Variants in UGT3A2 observed in about 807,000 individuals in gnomAD.
The protein encoded by UGT3A2 is UDP-glycosyltransferase 3A2.
In UGT3A2, 32 loss-of-function variants were observed where a neutral mutation model predicts 39.8. The ratio of observed to expected loss-of-function variants is 0.80; its 90% confidence interval spans 0.61 to 1.08. The LOEUF (loss-of-function observed/expected upper bound fraction) is 1.08, where lower values mean the gene tolerates loss of function less well. UGT3A2 is among the 50% of genes least tolerant of loss of function. The probability of loss-of-function intolerance (pLI) is 0.00; values close to 1 mark genes in which losing one functional copy is unlikely to be tolerated. For synonymous variants in UGT3A2, 241 were observed against 230.7 expected (o/e 1.04, Z -0.40); for missense variants, 611 against 637.1 (o/e 0.96, Z 0.44).
chr5:36,049,345 A>T lies in UGT3A2; in HGVS notation c.387T>A (p.Asp129Glu), dbSNP rs757661649. 2 of 1,610,770 alleles carry T rather than the reference A, an allele frequency of 1.2e-6. No individual in the cohort carries two copies. The highest frequency in any genetic ancestry group is 2.7e-5 in the African/African-American group (2 of 74,704). The change falls in exon 4 of 7, where the codon GAT becomes GAA. Residue 129 changes from aspartate to glutamate, a missense_variant. Transcript: ENST00000282507. ...TCTCATTCTTTAAGGAATCCATGAT[A>T]TCCTTTCTATTTAAAAAATGACTGC... is the stretch of plus-strand genomic sequence containing the variant. The part of the protein sequence containing the change: ...LQCSHFLNRK[D>E]IMDSLKNENF...
intron 3 of UGT3A2, among the ~76,000 whole-genome samples, chr5:36,050,011 A>C (rs1314488045): frequency 6.6e-6 from 1 of 152,042 alleles, no homozygotes; most frequent in Non-Finnish European, 1.5e-5. Flanking sequence ...CAATGGAAAA[A>C]ATAAAAGCAA....
At chr5:36,055,151 T>A (rs1478060297) in intron 2 of UGT3A2, among the ~76,000 whole-genome samples, 1 of 151,428 alleles carries the variant, frequency 6.6e-6, no homozygotes. Context: ...AAAAAAAAAA[T>A]TTGGGGGGGT....
intron 4 of UGT3A2, among the ~76,000 whole-genome samples, chr5:36,041,677 T>G (rs1363801982): frequency 6.6e-6 from 1 of 152,218 alleles, no homozygotes; most frequent in Admixed American, 6.5e-5. Flanking sequence ...TCAGCATGAC[T>G]GGGCTTGGAG....
chr5:36,036,203 T>C (rs1741824164), intron 6 of UGT3A2, among the ~76,000 whole-genome samples: 1 of 152,246 alleles, frequency 6.6e-6, no homozygotes, highest in Non-Finnish European at 1.5e-5. Flanking sequence ...CCACAAAGAC[T>C]AGTCCCTACT....
intron 6 of UGT3A2, among the ~76,000 whole-genome samples, chr5:36,037,238 A>G (rs1204971275): frequency 6.6e-6 from 1 of 152,212 alleles, no homozygotes; most frequent in East Asian, 1.9e-4. Context: ...GTAAACAAAC[A>G]AACACATAAA....
intron 1 of UGT3A2, among the ~76,000 whole-genome samples, chr5:36,064,630 A>G (rs1742822996): frequency 1.3e-5 from 2 of 152,302 alleles, no homozygotes; most frequent in South Asian, 4.1e-4. Context: ...GTGCTTAGCC[A>G]TGGGAGTTCC....
chr5:36,042,040 C>T (rs1389726747), intron 4 of UGT3A2, among the ~76,000 whole-genome samples: 1 of 151,882 alleles, frequency 6.6e-6, no homozygotes, highest in Admixed American at 6.6e-5. Context: ...ATCCTATCAG[C>T]TAAATTTAGC....
intron 2 of UGT3A2, among the ~76,000 whole-genome samples, chr5:36,062,905 G>T (rs186085999): frequency 6.6e-6 from 1 of 152,146 alleles, no homozygotes; most frequent in African/African-American, 2.4e-5. Flanking sequence ...GCCGAGCATG[G>T]TGGTACACAC....
intron 4 of UGT3A2, among the ~76,000 whole-genome samples, chr5:36,047,795 A>G (rs1742212153): frequency 2.0e-5 from 3 of 152,238 alleles, no homozygotes; most frequent in African/African-American, 7.2e-5. Context: ...GTAAATCCCC[A>G]CAGCTTTACT....
intron 4 of UGT3A2, among the ~76,000 whole-genome samples, chr5:36,041,055 G>A (rs1741990416): frequency 6.6e-6 from 1 of 152,176 alleles, no homozygotes. Flanking sequence ...GGTCAGAAGA[G>A]AACCTGCTGC....
intron 4 of UGT3A2, among the ~76,000 whole-genome samples, chr5:36,041,047 T>A (rs1248882397): frequency 1.3e-5 from 2 of 152,154 alleles, no homozygotes; most frequent in Non-Finnish European, 2.9e-5. Flanking sequence ...ATGCCCTGGG[T>A]CAGAAGAGAA....
Position 36,049,234 on chromosome 5 carries a change from A to C in UGT3A2, c.498T>G (p.Leu166=), listed in dbSNP as rs1483712277. 1 of 1,614,068 alleles carries C rather than the reference A, an allele frequency of 6.2e-7. No individual in the cohort carries two copies. Residue 166 remains leucine, a synonymous_variant, in exon 4 of 7, where the codon CTT becomes CTG. Transcript: ENST00000282507. ...EKLGKPFVAI[L]STSFGSLEFG... ...ATTCCAAAGAGCCGAATGAAGTGGA[A>C]AGAATGGCCACAAATGGCTTCCCAA...
chr5:36,035,429 A>G lies in UGT3A2; in HGVS notation c.*269T>C, dbSNP rs1291936364. Reference sequence around the variant, plus strand: ...GGTCAGTGGTCCAAGTCACTCAGAGACAGAATCACAGCATAGCCCTTGCTG... The same window carrying G: ...GGTCAGTGGTCCAAGTCACTCAGAGGCAGAATCACAGCATAGCCCTTGCTG... On this transcript the variant is annotated 3_prime_UTR_variant, in exon 7 of 7. Transcript: ENST00000282507. 8.8e-6 allele frequency: 4 copies of G among 452,672 alleles called. No individual in the cohort carries two copies. Among genetic ancestry groups the G allele is most frequent in the Non-Finnish European group, 1.2e-5 (3 of 249,952 alleles). The allele number at this position is 452,672 out of a possible 1,614,324, so 28.0% of individuals were successfully genotyped here.
In UGT3A2 at chr5:36,038,036, G is replaced by T. The variant is rs1220270859; in HGVS notation, c.1076-20C>A. The T allele has an allele frequency of 6.4e-7, 1 of 1,565,746 alleles. No individual in the cohort carries two copies. Among genetic ancestry groups the T allele is most frequent in the African/African-American group, 1.4e-5 (1 of 72,944 alleles). ...GGTGAGCTGTTGTAAATAAGAAAGA[G>T]GGTGGGACACTTCAGGATGAAAATT... On this transcript the variant is annotated intron_variant, in intron 5 of 6. Coordinates refer to ENST00000282507, the MANE Select transcript of UGT3A2 (RefSeq NM_174914.4).
chr5:36,055,369 A>T (rs1360771491), intron 2 of UGT3A2, among the ~76,000 whole-genome samples: 26 of 151,900 alleles, frequency 1.7e-4, no homozygotes. Flanking sequence ...AGTAGCTGGG[A>T]TTACAGGCAC....
intron 3 of UGT3A2, among the ~76,000 whole-genome samples, chr5:36,051,426 A>T (rs1742337579): frequency 6.6e-6 from 1 of 152,172 alleles, no homozygotes; most frequent in African/African-American, 2.4e-5. Flanking sequence ...ATTTATGAAT[A>T]TATATAAGAA....
At chr5:36,045,547 C>T (rs1369146842) in intron 4 of UGT3A2, among the ~76,000 whole-genome samples, 3 of 150,726 alleles carry the variant, frequency 2.0e-5, no homozygotes, top group Admixed American at 6.6e-5. Flanking sequence ...GAGCCAAGAT[C>T]GCACCACTGC....
chr5:36,049,556 T>C lies in UGT3A2; in HGVS notation c.312-136A>G, dbSNP rs1488707780. On this transcript the variant is annotated intron_variant, in intron 3 of 6. Coordinates refer to ENST00000282507, the MANE Select transcript of UGT3A2 (RefSeq NM_174914.4). ...CAGTCACCCACAAATTCAACCAGTT[T>C]CCCACAAATACCCTCTGCCATAATT... 8.4e-5 allele frequency: 56 copies of C among 662,828 alleles called. 1 individual carries two copies. The South Asian group carries it at 1.2e-3, about 14-fold the overall frequency. 41.1% of individuals were successfully genotyped at this position (662,828 alleles called of 1,614,324 possible). A position where few individuals can be genotyped will look rare whatever the true frequency, so the allele number is the denominator to read the frequency against.
At chr5:36,046,352 A>G (rs1055315855) in intron 4 of UGT3A2, among the ~76,000 whole-genome samples, 3 of 152,248 alleles carry the variant, frequency 2.0e-5, no homozygotes, top group Admixed American at 2.0e-4. Flanking sequence ...AAGATATGGA[A>G]TCAATCTAAA....
Sources: allele counts gnomAD v4.1 joint callset (sites outside exome capture counted in the v4.1 genomes callset), GRCh38; gene constraint gnomAD v4.1.1; transcripts MANE v1.5; gene names NCBI Gene and HGNC (gene_info 2026-07-23, HGNC 2026-07-21).